MCPH1: variants seen among roughly 807,000 people sequenced by gnomAD.
The protein encoded by MCPH1 is microcephalin.
Under a neutral mutation model 84.5 loss-of-function variants are expected in MCPH1, and 104 were observed. The ratio of observed to expected loss-of-function variants is 1.23; its 90% CI spans 1.05 to 1.45. The LOEUF (loss-of-function observed/expected upper bound fraction) is 1.45, where lower values mean the gene tolerates loss of function less well. Among genes scored for constraint, MCPH1 ranks in the 40% most tolerant of loss-of-function variants. The pLI, the probability that MCPH1 is intolerant of heterozygous loss-of-function variation, is 0.00. For missense variants in MCPH1, 1,498 were observed against 1,005.7 expected, an observed-to-expected ratio of 1.49 and a Z score of -6.62; for synonymous variants, 514 against 366.8, an observed-to-expected ratio of 1.40 and a Z score of -4.58.
At position 6,615,375 on chromosome 8, in the gene MCPH1, A is replaced by G. The variant is rs569280472; in HGVS notation, c.2215-6079A>G. Among the ~76,000 whole-genome samples, 4 of 152,334 alleles carry G rather than the reference A, an allele frequency of 2.6e-5. No individual in the cohort carries two copies. In the East Asian group the frequency reaches 7.7e-4, roughly 29 times the overall value. On this transcript the variant is annotated intron_variant, in intron 12 of 13. Coordinates refer to ENST00000344683, the MANE Select transcript of MCPH1 (RefSeq NM_024596.5). ...AAAGACCATGTCCCTGCATTTTTGC[A>G]TCCTCAGAACTTAGCCTGATACTCA... is the stretch of plus-strand genomic sequence containing the variant.
chr8:6,578,141 C>T (rs1399825369), intron 12 of MCPH1, among the ~76,000 whole-genome samples: 1 of 152,184 alleles, frequency 6.6e-6, no homozygotes, highest in African/African-American at 2.4e-5. Context: ...ACTCGACTGT[C>T]CCGATGGGCA....
At chr8:6,470,582 G>T (rs1807593857) in intron 9 of MCPH1, among the ~76,000 whole-genome samples, 1 of 152,166 alleles carries the variant, frequency 6.6e-6, no homozygotes, top group Admixed American at 6.5e-5. Flanking sequence ...ACCATGCCAG[G>T]CTCTGAGATC....
At position 6,452,259 on chromosome 8, in the gene MCPH1, G is replaced by A. The variant is rs1805178744; in HGVS notation, c.1826-2884G>A. ...TATCTCTGTTGAGTAGCTGAAGGTT[G>A]TGATTTAACTAATTCACACTGAGAG... is the stretch of plus-strand genomic sequence containing the variant. On this transcript the variant is annotated intron_variant, in intron 8 of 13. Transcript: ENST00000344683. Among the ~76,000 whole-genome samples, 3 of 152,320 alleles carry A rather than the reference G, an allele frequency of 2.0e-5. No homozygotes were observed. The South Asian group carries it at 6.2e-4, about 32-fold the overall frequency.
chr8:6,528,182 G>A (rs545000968), intron 12 of MCPH1, among the ~76,000 whole-genome samples: 29 of 152,284 alleles, frequency 1.9e-4, no homozygotes, highest in Non-Finnish European at 3.7e-4. Flanking sequence ...ACAGGCATTA[G>A]CCACTGCACC....
In MCPH1 at chr8:6,642,252, G is replaced by A. The variant is rs554870393; in HGVS notation, c.2453-742G>A. On this transcript the variant is annotated intron_variant, in intron 13 of 13. Transcript: ENST00000344683. ...TTATCATCCAATCGGTGCTGACAGTGGATTTCATTCCTTTTTTTTTCTAAC... is the reference window on the plus strand; with the variant it reads ...TTATCATCCAATCGGTGCTGACAGTAGATTTCATTCCTTTTTTTTTCTAAC... Among the ~76,000 whole-genome samples, 5 of 152,128 alleles carry A rather than the reference G, an allele frequency of 3.3e-5. No homozygotes were observed. The South Asian group carries it at 8.3e-4, about 25-fold the overall frequency.
intron 3 of MCPH1, among the ~76,000 whole-genome samples, chr8:6,425,477 A>G (rs929925884): frequency 1.3e-5 from 2 of 152,310 alleles, no homozygotes; most frequent in East Asian, 1.9e-4. Context: ...CGGCATTACC[A>G]GCAGTAAGTG....
At chr8:6,474,323 C>T in intron 9 of MCPH1, 1 of 458,956 alleles carries the variant, frequency 2.2e-6, no homozygotes, top group Non-Finnish European at 4.0e-6. Context: ...TCTGGTGTAC[C>T]TGGCTTTCTA....
intron 12 of MCPH1, among the ~76,000 whole-genome samples, chr8:6,610,508 C>T (rs1830169088): frequency 6.6e-6 from 1 of 152,194 alleles, no homozygotes; most frequent in Admixed American, 6.5e-5. Context: ...TAGCAAAAGC[C>T]ATAATCTTCC....
chr8:6,556,059 C>T lies in MCPH1; in HGVS notation c.2214+56130C>T, dbSNP rs983828953. Among the ~76,000 whole-genome samples, 25 of 152,062 alleles carry T rather than the reference C, an allele frequency of 1.6e-4. 1 individual carries two copies. Among genetic ancestry groups the T allele is most frequent in the South Asian group, 8.3e-4 (4 of 4,826 alleles). ...TGCTGGCCTAGGAGTGCCCTGCACT[C>T]GTCTCAAGATCGATGTCCCAGTGGG... On this transcript the variant is annotated intron_variant, in intron 12 of 13. Coordinates refer to ENST00000344683, the MANE Select transcript of MCPH1 (RefSeq NM_024596.5).
chr8:6,452,554 T>C (rs1164057336), intron 8 of MCPH1, among the ~76,000 whole-genome samples: 1 of 152,258 alleles, frequency 6.6e-6, no homozygotes, highest in Non-Finnish European at 1.5e-5. Context: ...CCCCCACATT[T>C]ATTTACTGAA....
At chr8:6,585,661 C>T (rs1827918045) in intron 12 of MCPH1, among the ~76,000 whole-genome samples, 1 of 152,180 alleles carries the variant, frequency 6.6e-6, no homozygotes, top group African/African-American at 2.4e-5. Context: ...GGCTGGATTC[C>T]CATACTCAAT....
intron 13 of MCPH1, among the ~76,000 whole-genome samples, chr8:6,630,600 G>A (rs186926573): frequency 2.0e-5 from 3 of 152,120 alleles, no homozygotes; most frequent in East Asian, 1.9e-4. Context: ...TGACCAACAC[G>A]GTGAAACCCT....
At chr8:6,536,948 A>G (rs1820607426) in intron 12 of MCPH1, among the ~76,000 whole-genome samples, 1 of 151,060 alleles carries the variant, frequency 6.6e-6, no homozygotes, top group African/African-American at 2.4e-5. Context: ...ATTCCATTCT[A>G]AGTATAAGGA....
In MCPH1 at chr8:6,585,292, C is replaced by T. The variant is rs182677451; in HGVS notation, c.2215-36162C>T. On this transcript the variant is annotated intron_variant, in intron 12 of 13. Transcript: ENST00000344683. ...AGCATATTACACGTGAAGCAGGATC[C>T]GTGCCCACCACAGCAGTTGTCCCAG... is the stretch of plus-strand genomic sequence containing the variant. 5.0e-3 allele frequency among the ~76,000 whole-genome samples: 762 copies of T among 152,316 alleles called. 1 individual carries two copies. Among genetic ancestry groups the T allele is most frequent in the Middle Eastern group, 0.017 (5 of 294 alleles).
intron 10 of MCPH1, among the ~76,000 whole-genome samples, 153 bp downstream of exon 10, chr8:6,477,784 T>A (rs1034390825): frequency 6.6e-6 from 1 of 152,254 alleles, no homozygotes; most frequent in Non-Finnish European, 1.5e-5. Flanking sequence ...CACTGAAAAT[T>A]AAACATGTAC....
At chr8:6,491,632 G>C (rs867601944) in intron 11 of MCPH1, among the ~76,000 whole-genome samples, 82 of 151,518 alleles carry the variant, frequency 5.4e-4, no homozygotes, top group Middle Eastern at 3.4e-3. Context: ...CCACTCCCCC[G>C]ACCCCACAAC....
chr8:6,528,962 C>G (rs2515468), intron 12 of MCPH1, among the ~76,000 whole-genome samples: 20,999 of 152,200 alleles, frequency 0.14, 2,704 homozygotes, highest in African/African-American at 0.34. Context: ...CTGGAATATA[C>G]ATTTGGCCTA....
At chr8:6,448,064 GT>G (rs1227889552) in intron 8 of MCPH1, among the ~76,000 whole-genome samples, 1 of 152,128 alleles carries the variant, frequency 6.6e-6, no homozygotes, top group Non-Finnish European at 1.5e-5. Flanking sequence ...TGCTCTTCAA[GT>G]TTGTGGGGAC....
intron 12 of MCPH1, among the ~76,000 whole-genome samples, chr8:6,607,786 C>T (rs1829912199): frequency 6.6e-6 from 1 of 152,232 alleles, no homozygotes; most frequent in African/African-American, 2.4e-5. Flanking sequence ...TGTCCACCTT[C>T]TGCCGTGATT....
Sources: allele counts gnomAD v4.1 joint callset (sites outside exome capture counted in the v4.1 genomes callset), GRCh38; gene constraint gnomAD v4.1.1; transcripts MANE v1.5; gene names NCBI Gene and HGNC (gene_info 2026-07-23, HGNC 2026-07-21).